The following PCDHGB5 variants were observed in gnomAD, a reference collection of about 807,000 sequenced individuals.
PCDHGB5 encodes the protein protocadherin gamma subfamily B, 5.
PCDHGB5 carries 48 observed loss-of-function variants against 62.9 expected under a neutral mutation model. The observed-to-expected ratio is 0.76, with a 90% CI of 0.61 to 0.97. The LOEUF is 0.97. Among genes scored for constraint, PCDHGB5 ranks in the 50% least tolerant of loss-of-function variants. The pLI is 0.00. For synonymous variants in PCDHGB5, 474 were observed against 511.2 expected (o/e 0.93, Z 0.98); for missense variants, 1,118 against 1,198.6 (o/e 0.93, Z 0.99).
At chr5:141,434,080 A>G (rs775751994) in intron 1 of PCDHGB5, among the ~76,000 whole-genome samples, 2 of 152,042 alleles carry the variant, frequency 1.3e-5, no homozygotes, top group Non-Finnish European at 2.9e-5. Flanking sequence ...TCAATTATTT[A>G]TTTTGATGCT....
At chr5:141,441,368 G>A (rs1215599443) in intron 1 of PCDHGB5, 2 of 152,598 alleles carry the variant, frequency 1.3e-5, no homozygotes, top group African/African-American at 2.4e-5. Flanking sequence ...TGGGGCCGTG[G>A]ACCAGGAACA....
intron 1 of PCDHGB5, chr5:141,429,216 T>A (rs1590916921): frequency 6.8e-6 from 1 of 146,786 alleles, no homozygotes; most frequent in Admixed American, 6.7e-5. Context: ...GTGTGAAAAG[T>A]GGGTATTATG....
Position 141,476,110 on chromosome 5 carries a change from G to A in PCDHGB5, c.2398-18697G>A. ...GACCCCGCTGAGAGGAACTGCTTTT[G>A]AGTGAGATGGTCCCAGAGGCCTGGA... On this transcript the variant is annotated intron_variant, in intron 1 of 3. Transcript: ENST00000617380. The surrounding 1 kb of genome is among the most constrained non-coding windows in gnomAD (Gnocchi z 7.6). 1.9e-6 allele frequency: 3 copies of A among 1,589,382 alleles called. No homozygotes were observed. The highest frequency in any genetic ancestry group is 2.6e-6 in the Non-Finnish European group (3 of 1,170,364).
intron 1 of PCDHGB5, among the ~76,000 whole-genome samples, chr5:141,449,561 C>T (rs777459619): frequency 2.7e-4 from 39 of 147,008 alleles, no homozygotes; most frequent in Non-Finnish European, 4.6e-4. Flanking sequence ...TGCACTCCAG[C>T]CTGGGCGACA....
rs752402965 is a variant in PCDHGB5, at chr5:141,491,400, C to G, written c.2398-3407C>G. The G allele has an allele frequency of 2.7e-5, 44 of 1,613,990 alleles. No individual in the cohort carries two copies. The highest frequency in any genetic ancestry group is 3.5e-5 in the Non-Finnish European group (41 of 1,179,996). On this transcript the variant is annotated intron_variant, in intron 1 of 3. Coordinates refer to ENST00000617380, the MANE Select transcript of PCDHGB5 (RefSeq NM_018925.3). The surrounding 1 kb of genome is among the most constrained non-coding windows in gnomAD (Gnocchi z 6.9). ...TGTCAGCGAAGTGCCTTCAGGGAAA[C>G]GCAGACGGGGACGGGGGTGGAGGGC... is the stretch of plus-strand genomic sequence containing the variant.
In PCDHGB5 at chr5:141,490,823, A is replaced by T. The variant is rs1340589166; in HGVS notation, c.2398-3984A>T. ...CGTACCTTTGACTATGAATTGCTGC[A>T]GATGCTGCAGATTGTGGTGGGGGTT... On this transcript the variant is annotated intron_variant, in intron 1 of 3. Transcript: ENST00000617380. This position sits in a 1 kb window ranked among gnomAD's most constrained non-coding sequence, Gnocchi z 5.4. 13 of 1,613,928 alleles carry T rather than the reference A, an allele frequency of 8.1e-6. No individual in the cohort carries two copies. Among genetic ancestry groups the T allele is most frequent in the Non-Finnish European group, 9.3e-6 (11 of 1,179,864 alleles).
intron 1 of PCDHGB5, chr5:141,426,302 A>G (rs1590676929): frequency 1.2e-5 from 2 of 172,322 alleles, no homozygotes; most frequent in East Asian, 1.4e-4. Context: ...AACAGGGTGA[A>G]GCAGAGAAGC....
intron 1 of PCDHGB5, chr5:141,413,189 G>T: frequency 1.2e-6 from 2 of 1,606,972 alleles, no homozygotes; most frequent in Middle Eastern, 1.7e-4. Flanking sequence ...GCCGCTCAAA[G>T]GAATCGCTCA....
intron 2 of PCDHGB5, among the ~76,000 whole-genome samples, chr5:141,496,391 A>G (rs1473991011): frequency 1.3e-5 from 2 of 151,930 alleles, no homozygotes; most frequent in Admixed American, 6.6e-5. Flanking sequence ...ACCTTACCCT[A>G]CCTCCTCAAT....
chr5:141,496,083 C>T (rs1267834920), intron 2 of PCDHGB5, among the ~76,000 whole-genome samples: 8 of 151,904 alleles, frequency 5.3e-5, no homozygotes, highest in Admixed American at 3.3e-4. Flanking sequence ...CAACCCCCCA[C>T]CCACCACCCA....
rs1228771998 is a variant in PCDHGB5 at position 141,477,832 on chromosome 5, A to G, written c.2398-16975A>G. The stretch of plus-strand genomic sequence containing the variant: ...CCCCCCAGGTCCTATATCCTCGGCC[A>G]GGTGGGAGCTCGGTGGAGATGCTGC... On this transcript the variant is annotated intron_variant, in intron 1 of 3. Transcript: ENST00000617380. This position sits in a 1 kb window ranked among gnomAD's most constrained non-coding sequence, Gnocchi z 4.9. 1.2e-6 allele frequency: 2 copies of G among 1,614,166 alleles called. No homozygotes were observed. Among genetic ancestry groups the G allele is most frequent in the South Asian group, 1.1e-5 (1 of 91,086 alleles).
chr5:141,433,208 C>CA, intron 1 of PCDHGB5: 1 of 1,293,080 alleles, frequency 7.7e-7, no homozygotes, highest in Non-Finnish European at 1.1e-6. Context: ...AATCTTCTTT[C>CA]TTTTTTTTTT....
chr5:141,468,801 A>G (rs949203275), intron 1 of PCDHGB5, among the ~76,000 whole-genome samples: 15 of 151,736 alleles, frequency 9.9e-5, no homozygotes, highest in South Asian at 2.1e-4. Context: ...GGGAGGCGGA[A>G]CTTGCAGTGA....
At chr5:141,405,543 C>T (rs1027086926) in intron 1 of PCDHGB5, 27 of 634,834 alleles carry the variant, frequency 4.3e-5, no homozygotes, top group Non-Finnish European at 7.1e-5. Flanking sequence ...CCTCAGCCTC[C>T]CAAGTAGAGT....
intron 1 of PCDHGB5, among the ~76,000 whole-genome samples, chr5:141,458,719 G>A (rs891521416): frequency 5.9e-5 from 9 of 151,684 alleles, no homozygotes; most frequent in Non-Finnish European, 1.2e-4. Context: ...ACAGGTATTC[G>A]CCACCACATC....
chr5:141,413,322 G>A, intron 1 of PCDHGB5: 2 of 1,613,940 alleles, frequency 1.2e-6, no homozygotes, highest in Non-Finnish European at 1.7e-6. Flanking sequence ...GCTCTTTCGT[G>A]GGCAACATCT....
At chr5:141,409,109 A>G in intron 1 of PCDHGB5, 1 of 1,614,028 alleles carries the variant, frequency 6.2e-7, no homozygotes, top group Non-Finnish European at 8.5e-7. Context: ...TATGATTAAG[A>G]ATAACCAGTC....
At position 141,423,614 on chromosome 5, in the gene PCDHGB5, A is replaced by C. The variant is rs1365658002; in HGVS notation, c.2397+23090A>C. 8 of 1,610,406 alleles carry C rather than the reference A, an allele frequency of 5.0e-6. No homozygotes were observed. The highest frequency in any genetic ancestry group is 6.8e-6 in the Non-Finnish European group (8 of 1,178,132). ...AAAAGCGAGCCACTCTTGATAGCTG[A>C]AGACTCAGCTATCATTTTAGGCAAA... On this transcript the variant is annotated intron_variant, in intron 1 of 3. Transcript: ENST00000617380.
chr5:141,477,031 A>G lies in PCDHGB5; in HGVS notation c.2398-17776A>G. 2 of 1,614,248 alleles carry G rather than the reference A, an allele frequency of 1.2e-6. No homozygotes were observed. The highest frequency in any genetic ancestry group is 2.2e-5 in the East Asian group (1 of 44,880). On this transcript the variant is annotated intron_variant, in intron 1 of 3. Transcript: ENST00000617380. This position sits in a 1 kb window ranked among gnomAD's most constrained non-coding sequence, Gnocchi z 4.9. ...TAGACCTTGTAACCGGGATGCTGAC[A>G]ATCAAGGGTCGGCTGGACTTCGAGG...
Sources: gnomAD v4.1 joint callset for allele counts (sites outside exome capture counted in the v4.1 genomes callset) on GRCh38, gnomAD v4.1.1 for gene constraint, Gnocchi (gnomAD v3.1) non-coding constraint, MANE v1.5 for transcripts, NCBI Gene and HGNC (gene_info 2026-07-23, HGNC 2026-07-21) for gene names.